STXBP3: variants seen among roughly 807,000 people sequenced by gnomAD.
STXBP3 encodes syntaxin binding protein 3, also known as syntaxin-binding protein 3.
A neutral mutation model predicts 85.7 loss-of-function variants in STXBP3; 41 were observed. The ratio of observed to expected loss-of-function variants is 0.48; its 90% CI spans 0.37 to 0.62. The LOEUF (loss-of-function observed/expected upper bound fraction) is 0.62. Ranked by LOEUF, STXBP3 falls within the 20% of genes least tolerant of loss-of-function variation. The pLI is 0.00. For missense variants in STXBP3, 563 were observed against 703.1 expected, an observed-to-expected ratio of 0.80 and a Z score of 2.25; for synonymous variants, 229 against 231.7, an observed-to-expected ratio of 0.99 and a Z score of 0.10.
rs149884832 is a variant in STXBP3, at chr1:108,748,726, G to A, written c.49+1940G>A. ...GCACACCTGTGGTCCCAGCTACTCG[G>A]GAGGCTGAAGTGGGAGGATCGCTGG... On this transcript the variant is annotated intron_variant, in intron 1 of 18. Coordinates refer to ENST00000370008, the MANE Select transcript of STXBP3 (RefSeq NM_007269.4). Among the ~76,000 whole-genome samples the A allele has an allele frequency of 7.5e-3, 1,141 of 152,166 alleles. 13 individuals carry two copies. Among genetic ancestry groups the A allele is most frequent in the African/African-American group, 0.026 (1,091 of 41,496 alleles).
At chr1:108,753,233 G>A (rs892972822) in intron 3 of STXBP3, 89 bp downstream of exon 3, 9 of 860,180 alleles carry the variant, frequency 1.0e-5, no homozygotes, top group African/African-American at 1.8e-5. Flanking sequence ...GTGTTTCTAA[G>A]GAGCTTATTT....
chr1:108,750,405 C>T (rs913766997), intron 1 of STXBP3, among the ~76,000 whole-genome samples: 2 of 152,014 alleles, frequency 1.3e-5, no homozygotes, highest in Non-Finnish European at 2.9e-5. Context: ...CACTATAATC[C>T]TCCTAGCAAA....
chr1:108,782,379 G>C, intron 9 of STXBP3, 43 bp from the exon 10 acceptor site: 6 of 1,395,376 alleles, frequency 4.3e-6, no homozygotes, highest in Non-Finnish European at 6.0e-6. Flanking sequence ...TGATTTTGGA[G>C]GGAAAAAAAT....
At chr1:108,776,468 T>C (rs1002813141) in intron 8 of STXBP3, 45 bp downstream of exon 8, 4 of 1,431,086 alleles carry the variant, frequency 2.8e-6, no homozygotes, top group Non-Finnish European at 2.9e-6. Context: ...AAGTCTGTCT[T>C]ATTTCTTTAT....
intron 16 of STXBP3, 44 bp downstream of exon 16, chr1:108,798,281 T>C (rs1663156566): frequency 2.0e-6 from 3 of 1,475,514 alleles, no homozygotes; most frequent in East Asian, 2.3e-5. Context: ...GTGCCCTCTT[T>C]AGAGTATTCT....
intron 4 of STXBP3, among the ~76,000 whole-genome samples, chr1:108,757,647 T>C (rs1662049151): frequency 6.6e-6 from 1 of 152,016 alleles, no homozygotes; most frequent in Non-Finnish European, 1.5e-5. Flanking sequence ...CAGTGGATAA[T>C]GGAGCAGAAA....
intron 11 of STXBP3, among the ~76,000 whole-genome samples, chr1:108,790,194 A>G (rs2101128912): frequency 6.6e-6 from 1 of 152,142 alleles, no homozygotes; most frequent in Non-Finnish European, 1.5e-5. Context: ...TCTGATCATG[A>G]CTGTGAATTA....
intron 7 of STXBP3, among the ~76,000 whole-genome samples, chr1:108,774,558 A>G (rs183733630): frequency 6.6e-6 from 1 of 151,654 alleles, no homozygotes; most frequent in Non-Finnish European, 1.5e-5. Flanking sequence ...AGATTAAGTT[A>G]TCTCCTTAAT....
Position 108,771,451 on chromosome 1 carries a change from T to A in STXBP3, c.439-1214T>A, listed in dbSNP as rs1290668524. ...TATATATGATATATATCTATATATA[T>A]CATATATAAATATATATGATATATA... On this transcript the variant is annotated intron_variant, in intron 6 of 18. Coordinates refer to ENST00000370008, the MANE Select transcript of STXBP3 (RefSeq NM_007269.4). Among the ~76,000 whole-genome samples, 9 of 73,950 alleles carry A rather than the reference T, an allele frequency of 1.2e-4. 2 individuals carry two copies. Among genetic ancestry groups the A allele is most frequent in the Non-Finnish European group, 2.3e-4 (8 of 34,922 alleles). 48.5% of individuals were successfully genotyped at this position (73,950 alleles called of 152,430 possible).
intron 11 of STXBP3, among the ~76,000 whole-genome samples, chr1:108,791,567 T>C (rs1570769458): frequency 6.6e-6 from 1 of 152,162 alleles, no homozygotes; most frequent in East Asian, 1.9e-4. Context: ...TGCAACTGAA[T>C]GTTCTCTATT....
chr1:108,771,636 AATAT>A lies in STXBP3; in HGVS notation c.439-1024_439-1021del, dbSNP rs1212437145. 4.0e-5 allele frequency among the ~76,000 whole-genome samples: 2 copies of A among 49,676 alleles called. 1 individual carries two copies. Among genetic ancestry groups the A allele is most frequent in the Non-Finnish European group, 7.1e-5 (2 of 28,364 alleles). 32.6% of individuals were successfully genotyped at this position (49,676 alleles called of 152,430 possible). On this transcript the variant is annotated intron_variant, in intron 6 of 18. Transcript: ENST00000370008. ...GATATATATCTATATATCATATATA[AATAT>A]ATATGATATATATCTATATATATCA...
chr1:108,774,640 CTTTTTTTTTTTTT>C (rs11290690), intron 7 of STXBP3, among the ~76,000 whole-genome samples: 3 of 92,632 alleles, frequency 3.2e-5, no homozygotes, highest in Non-Finnish European at 6.4e-5. Flanking sequence ...TCTTTCTTTC[CTTTTTTTTTTTTT>C]TTTTTTTTGA....
At chr1:108,776,303 T>G in intron 7 of STXBP3, 30 bp from the exon 8 acceptor site, 1 of 1,488,940 alleles carries the variant, frequency 6.7e-7, no homozygotes. Flanking sequence ...GAAAGAAAGA[T>G]AATTGTTTGA....
chr1:108,805,626 T>A lies in STXBP3; in HGVS notation c.1536-1775T>A, dbSNP rs183084313. Among the ~76,000 whole-genome samples, 19 of 152,332 alleles carry A rather than the reference T, an allele frequency of 1.2e-4. No individual in the cohort carries two copies. In the East Asian group the frequency reaches 3.5e-3, roughly 28 times the overall value. ...TTTTAGTAGAGAGGGGGTTTCACCA[T>A]GTTGGCCAGAATGGTCTCGATCTCT... On this transcript the variant is annotated intron_variant, in intron 17 of 18. Coordinates refer to ENST00000370008, the MANE Select transcript of STXBP3 (RefSeq NM_007269.4).
Position 108,804,687 on chromosome 1 carries a change from G to T in STXBP3, c.1536-2714G>T, listed in dbSNP as rs116281337. On this transcript the variant is annotated intron_variant, in intron 17 of 18. Coordinates refer to ENST00000370008, the MANE Select transcript of STXBP3 (RefSeq NM_007269.4). Reference sequence around the variant, plus strand: ...TTTTTGTATTAATGTCTCAGTTTGGGGTTCCTCAGACCATGAAGGTAGTAT... The same window carrying T: ...TTTTTGTATTAATGTCTCAGTTTGGTGTTCCTCAGACCATGAAGGTAGTAT... 1.0e-2 allele frequency among the ~76,000 whole-genome samples: 1,515 copies of T among 152,258 alleles called. 11 individuals are homozygous for T. The highest frequency in any genetic ancestry group is 0.015 in the Non-Finnish European group (1,028 of 68,022).
intron 13 of STXBP3, 32 bp from the exon 14 acceptor site, chr1:108,796,202 T>C (rs902852891): frequency 3.1e-6 from 5 of 1,597,504 alleles, no homozygotes; most frequent in Non-Finnish European, 4.3e-6. Flanking sequence ...ATTTTGGTTA[T>C]AGATCACTGA....
chr1:108,806,625 G>GC (rs1441234497), intron 17 of STXBP3, among the ~76,000 whole-genome samples: 1 of 152,072 alleles, frequency 6.6e-6, no homozygotes, highest in African/African-American at 2.4e-5. Flanking sequence ...ATTCTTAACA[G>GC]CCAACCTCCT....
At position 108,801,758 on chromosome 1, in the gene STXBP3, G is replaced by A. The variant is rs144598323; in HGVS notation, c.1535+1453G>A. ...ATCGTAGCTTACTATAAACTCAAAC[G>A]CATGGGCTCAGGTGAGCCTCCCACC... On this transcript the variant is annotated intron_variant, in intron 17 of 18. Transcript: ENST00000370008. Among the ~76,000 whole-genome samples, 21 of 151,440 alleles carry A rather than the reference G, an allele frequency of 1.4e-4. No homozygotes were observed. In the South Asian group the frequency reaches 3.7e-3, roughly 27 times the overall value.
intron 1 of STXBP3, among the ~76,000 whole-genome samples, chr1:108,747,052 G>T (rs887535756): frequency 1.5e-5 from 2 of 137,190 alleles, no homozygotes; most frequent in South Asian, 4.8e-4. Flanking sequence ...GCGAAGCTCC[G>T]CCCCGGGTGA....
Sources: allele counts gnomAD v4.1 joint callset (sites outside exome capture counted in the v4.1 genomes callset), GRCh38; gene constraint gnomAD v4.1.1; transcripts MANE v1.5; gene names NCBI Gene and HGNC (gene_info 2026-07-23, HGNC 2026-07-21).